BABAM2: variants seen among roughly 807,000 people sequenced by gnomAD.
BABAM2 encodes the protein BRISC and BRCA1 A complex member 2.
A neutral mutation model predicts 54.7 loss-of-function variants in BABAM2; 31 were observed. The observed-to-expected ratio is 0.57, with a 90% CI of 0.43 to 0.77. The LOEUF is 0.77. Ranked by LOEUF, BABAM2 falls within the 30% of genes least tolerant of loss-of-function variation. BABAM2 has a pLI of 0.00. For synonymous variants in BABAM2, 167 were observed against 162.9 expected, an observed-to-expected ratio of 1.03 and a Z score of -0.19; for missense variants, 364 against 455.8, an observed-to-expected ratio of 0.80 and a Z score of 1.83.
At chr2:28,163,930 A>T (rs1231657917) in intron 7 of BABAM2, among the ~76,000 whole-genome samples, 1 of 152,212 alleles carries the variant, frequency 6.6e-6, no homozygotes, top group East Asian at 1.9e-4. Flanking sequence ...CTCTAGGCCC[A>T]CTGCTATGCA....
At chr2:28,071,204 T>A (rs1202364012) in intron 6 of BABAM2, among the ~76,000 whole-genome samples, 1 of 152,188 alleles carries the variant, frequency 6.6e-6, no homozygotes, top group East Asian at 1.9e-4. Context: ...TCAACTATGG[T>A]TGAGTCTTAC....
intron 10 of BABAM2, among the ~76,000 whole-genome samples, chr2:28,260,493 G>T (rs1376378943): frequency 2.0e-5 from 3 of 151,036 alleles, no homozygotes; most frequent in Non-Finnish European, 2.9e-5. Flanking sequence ...GTAGAGACAG[G>T]GTTTTGCCGT....
upstream of BABAM2, among the ~76,000 whole-genome samples, chr2:27,889,250 C>T (rs774737845): frequency 2.0e-5 from 3 of 152,176 alleles, no homozygotes; most frequent in Non-Finnish European, 4.4e-5. Flanking sequence ...TGGTTTGGTG[C>T]AGCAATTTGG....
chr2:28,303,391 T>G (rs1688262368), intron 11 of BABAM2, among the ~76,000 whole-genome samples: 1 of 152,184 alleles, frequency 6.6e-6, no homozygotes, highest in African/African-American at 2.4e-5. Context: ...AAGGTTAATT[T>G]TTTGTTCATA....
At chr2:28,009,203 C>T (rs1349490648) in intron 4 of BABAM2, among the ~76,000 whole-genome samples, 1 of 152,068 alleles carries the variant, frequency 6.6e-6, no homozygotes, top group African/African-American at 2.4e-5. Flanking sequence ...GGCCAAGGAG[C>T]AGGTCTCACC....
intron 4 of BABAM2, among the ~76,000 whole-genome samples, chr2:28,005,200 TTATG>T (rs1673870893): frequency 6.6e-6 from 1 of 152,190 alleles, no homozygotes; most frequent in Admixed American, 6.5e-5. Context: ...TAGATTTATT[TTATG>T]TATGTATCTT....
intron 7 of BABAM2, among the ~76,000 whole-genome samples, chr2:28,176,111 A>G (rs1301400562): frequency 2.0e-5 from 3 of 152,252 alleles, no homozygotes; most frequent in African/African-American, 7.2e-5. Context: ...AAAAGTTAGA[A>G]GTGACTTTTG....
chr2:27,891,249 C>G (rs578076817), intron 1 of BABAM2, among the ~76,000 whole-genome samples: 15 of 152,260 alleles, frequency 9.9e-5, no homozygotes, highest in African/African-American at 2.9e-4. Flanking sequence ...TAACTTCCCT[C>G]GTGCGCTGTA....
chr2:27,937,669 C>G (rs958222008), intron 3 of BABAM2, among the ~76,000 whole-genome samples: 5 of 152,092 alleles, frequency 3.3e-5, no homozygotes, highest in African/African-American at 1.2e-4. Context: ...TTATTTTCTT[C>G]TATTTAGTGG....
intron 7 of BABAM2, among the ~76,000 whole-genome samples, chr2:28,170,495 A>G (rs1395688997): frequency 1.3e-5 from 2 of 152,104 alleles, no homozygotes; most frequent in African/African-American, 4.8e-5. Flanking sequence ...AGGAATATTA[A>G]CTTCATCTAC....
chr2:28,327,672 A>G (rs1366216629), intron 11 of BABAM2, among the ~76,000 whole-genome samples: 1 of 152,190 alleles, frequency 6.6e-6, no homozygotes, highest in East Asian at 1.9e-4. Context: ...AACGCAAGGC[A>G]GACATAGCCC....
chr2:27,976,417 T>G (rs909652000), intron 3 of BABAM2, among the ~76,000 whole-genome samples: 2 of 152,106 alleles, frequency 1.3e-5, no homozygotes, highest in African/African-American at 4.8e-5. Context: ...AATTTGAGTC[T>G]CAAATGCCTT....
At chr2:28,306,149 C>T (rs1408324377) in intron 11 of BABAM2, among the ~76,000 whole-genome samples, 1 of 152,130 alleles carries the variant, frequency 6.6e-6, no homozygotes, top group African/African-American at 2.4e-5. Context: ...AGCATGTGAT[C>T]TATCTTGATA....
At chr2:28,064,322 T>C (rs1426672628) in intron 6 of BABAM2, among the ~76,000 whole-genome samples, 1 of 152,202 alleles carries the variant, frequency 6.6e-6, no homozygotes, top group Non-Finnish European at 1.5e-5. Flanking sequence ...CTTGTTTCAT[T>C]TGAAGTATAT....
rs541498654 is a variant in BABAM2, at chr2:28,188,202, A to G, written c.681-49000A>G. 2.0e-5 allele frequency among the ~76,000 whole-genome samples: 3 copies of G among 152,294 alleles called. No individual in the cohort carries two copies. The East Asian group carries it at 5.8e-4, about 29-fold the overall frequency. On this transcript the variant is annotated intron_variant, in intron 7 of 11. Coordinates refer to ENST00000379624, the MANE Select transcript of BABAM2 (RefSeq NM_199191.3). ...GGCTCCCATGCCATCATTTGTGAGC[A>G]TGTATCACCTTCTCCATTCTACCTA...
intron 2 of BABAM2, among the ~76,000 whole-genome samples, chr2:27,907,616 G>A (rs993375792): frequency 4.6e-5 from 7 of 152,052 alleles, no homozygotes; most frequent in Non-Finnish European, 1.0e-4. Context: ...ATTTGGAGAC[G>A]TATATCTCCA....
chr2:28,132,144 T>G (rs77245825), intron 7 of BABAM2, among the ~76,000 whole-genome samples: 1 of 143,646 alleles, frequency 7.0e-6, no homozygotes, highest in Admixed American at 6.9e-5. Context: ...TTCTTCTTCT[T>G]TTTTTTTTTT....
chr2:28,079,017 C>T (rs1664935508), intron 6 of BABAM2, among the ~76,000 whole-genome samples: 1 of 152,136 alleles, frequency 6.6e-6, no homozygotes, highest in Non-Finnish European at 1.5e-5. Context: ...ATTGTTATGT[C>T]AGCTGAACAC....
intron 5 of BABAM2, among the ~76,000 whole-genome samples, chr2:28,036,854 C>T (rs557533163): frequency 6.6e-6 from 1 of 152,286 alleles, no homozygotes; most frequent in East Asian, 1.9e-4. Context: ...TGTCAAAACA[C>T]TTACCATGTC....
Sources: allele counts gnomAD v4.1 joint callset (sites outside exome capture counted in the v4.1 genomes callset), GRCh38; gene constraint gnomAD v4.1.1; transcripts MANE v1.5; gene names NCBI Gene and HGNC (gene_info 2026-07-23, HGNC 2026-07-21).